The following CCL25 variants were observed in gnomAD, a reference collection of about 807,000 sequenced individuals.
CCL25 encodes C-C motif chemokine ligand 25.
Under a neutral mutation model 19.9 loss-of-function variants are expected in CCL25, and 14 were observed. That is an observed-to-expected ratio of 0.70 (90% CI 0.47 to 1.10). The LOEUF (loss-of-function observed/expected upper bound fraction) is 1.10, where lower values mean the gene tolerates loss of function less well. CCL25 is among the 50% of genes least tolerant of loss of function. The pLI, the probability that CCL25 is intolerant of heterozygous loss-of-function variation, is 0.00. For missense variants in CCL25, 151 were observed against 181.2 expected, an observed-to-expected ratio of 0.83 and a Z score of 0.96; for synonymous variants, 68 against 73.2, an observed-to-expected ratio of 0.93 and a Z score of 0.36.
Position 8,056,502 on chromosome 19 carries a change from G to A in CCL25, c.325+3G>A. 1 of 1,614,012 alleles carries A rather than the reference G, an allele frequency of 6.2e-7. No homozygotes were observed. Among genetic ancestry groups the A allele is most frequent in the Non-Finnish European group, 8.5e-7 (1 of 1,179,984 alleles). ...CCACAACACGCAGACCTTCCAAGGT[G>A]GGCAAGACCTCTGCTGGGCATCTAG... On this transcript the variant is annotated splice_donor_region_variant and intron_variant, in intron 4 of 5. Coordinates refer to ENST00000315626, the MANE Select transcript of CCL25 (RefSeq NM_005624.4).
chr19:8,058,667 A>T (rs556014618), intron 5 of CCL25, among the ~76,000 whole-genome samples: 124 of 131,020 alleles, frequency 9.5e-4, no homozygotes, highest in Admixed American at 1.9e-3. Flanking sequence ...ATTTATTATT[A>T]TTTTTTTTTG....
intron 2 of CCL25, among the ~76,000 whole-genome samples, chr19:8,053,632 T>G (rs1175664494): frequency 6.8e-6 from 1 of 147,040 alleles, no homozygotes; most frequent in African/African-American, 2.5e-5. Flanking sequence ...CACTGCAACC[T>G]CCGCCTCCTG....
chr19:8,053,236 C>A (rs1456457939), intron 2 of CCL25, 114 bp downstream of exon 2: 1 of 599,846 alleles, frequency 1.7e-6, no homozygotes. Context: ...CCACTGAATT[C>A]TCCCGCTCCT....
At chr19:8,054,924 G>T in intron 2 of CCL25, among the ~76,000 whole-genome samples, 1 of 151,384 alleles carries the variant, frequency 6.6e-6, no homozygotes, top group East Asian at 2.0e-4. Flanking sequence ...CGTGATCTCG[G>T]CTCACTGCAA....
chr19:8,054,466 G>C (rs1270864023), intron 2 of CCL25, among the ~76,000 whole-genome samples: 1 of 152,188 alleles, frequency 6.6e-6, no homozygotes. Flanking sequence ...CCCTTTCCCT[G>C]CTCCTGCTGG....
At position 8,057,757 on chromosome 19, in the gene CCL25, G is replaced by A. The variant is rs952998593; in HGVS notation, c.326-44G>A. On this transcript the variant is annotated intron_variant, in intron 4 of 5. Coordinates refer to ENST00000315626, the MANE Select transcript of CCL25 (RefSeq NM_005624.4). ...CTCAGCTGGATCCAGGAGCTCAAAG[G>A]ATGATGGCAGAGCTCTTGCTTATTT... 1.9e-6 allele frequency: 3 copies of A among 1,574,530 alleles called. No individual in the cohort carries two copies. The African/African-American group carries it at 4.1e-5, about 21-fold the overall frequency.
chr19:8,059,145 A>T (rs1263000908), intron 5 of CCL25, among the ~76,000 whole-genome samples: 13 of 14,184 alleles, frequency 9.2e-4, no homozygotes, highest in African/African-American at 2.7e-3. Context: ...ATATTATATA[A>T]TATATAATAT....
rs1280775265 is a variant in CCL25, at chr19:8,058,394, AATATATAATATATAAAT to A, written c.445+490_445+506del. On this transcript the variant is annotated intron_variant, in intron 5 of 5. Coordinates refer to ENST00000315626, the MANE Select transcript of CCL25 (RefSeq NM_005624.4). Reference sequence around the variant, plus strand: ...TATAAATATATATAATATATAAGTAAATATATAATATATAAATATATATAATATATAAGTAAATATAT... The same window carrying A: ...TATAAATATATATAATATATAAGTAAATATATAATATATAAGTAAATATAT... 9.3e-5 allele frequency among the ~76,000 whole-genome samples: 11 copies of A among 117,936 alleles called. No homozygotes were observed. In the East Asian group the frequency reaches 1.1e-3, roughly 11 times the overall value. The allele number at this position is 117,936 out of a possible 152,430, so 77.4% of individuals were successfully genotyped here.
intron 5 of CCL25, among the ~76,000 whole-genome samples, chr19:8,058,944 C>T (rs1159290300): frequency 2.9e-5 from 4 of 137,010 alleles, no homozygotes; most frequent in Non-Finnish European, 6.1e-5. Context: ...AGGCGTGAGC[C>T]ACCGCGCCCA....
chr19:8,059,601 C>T (rs1235724970), intron 5 of CCL25, among the ~76,000 whole-genome samples: 1 of 152,170 alleles, frequency 6.6e-6, no homozygotes, highest in Non-Finnish European at 1.5e-5. Context: ...CAAGTTGTCA[C>T]TTTATTTCTG....
rs2081296593 is a variant in CCL25, at chr19:8,059,051, A to AT, written c.445+1131_445+1132insT. 2.7e-5 allele frequency among the ~76,000 whole-genome samples: 3 copies of AT among 110,110 alleles called. No homozygotes were observed. The South Asian group carries it at 7.8e-4, about 29-fold the overall frequency. 72.2% of individuals were successfully genotyped at this position (110,110 alleles called of 152,430 possible). A position where few individuals can be genotyped will look rare whatever the true frequency, so the allele number is the denominator to read the frequency against. ...ATATGTAATATATAAACATATATGT[A>AT]ATATATAAATATATATAATATATAA... On this transcript the variant is annotated intron_variant, in intron 5 of 5. Coordinates refer to ENST00000315626, the MANE Select transcript of CCL25 (RefSeq NM_005624.4).
intron 2 of CCL25, among the ~76,000 whole-genome samples, chr19:8,054,677 A>G (rs1471637051): frequency 6.7e-6 from 1 of 148,914 alleles, no homozygotes. Flanking sequence ...TCCTCTGGGC[A>G]CCCCCCACAG....
intron 2 of CCL25, among the ~76,000 whole-genome samples, chr19:8,054,648 T>A (rs1336220047): frequency 6.6e-6 from 1 of 151,870 alleles, no homozygotes; most frequent in Non-Finnish European, 1.5e-5. Flanking sequence ...CCCCAGAACT[T>A]TCTGGCATCA....
intron 5 of CCL25, 151 bp downstream of exon 5, chr19:8,058,071 G>A (rs557344838): frequency 2.2e-6 from 3 of 1,343,032 alleles, no homozygotes; most frequent in South Asian, 1.5e-5. Flanking sequence ...ACAGGGGAGG[G>A]TCCTCGGTGG....
At chr19:8,055,625 C>T (rs915566255) in intron 2 of CCL25, among the ~76,000 whole-genome samples, 3 of 151,702 alleles carry the variant, frequency 2.0e-5, no homozygotes, top group East Asian at 2.0e-4. Flanking sequence ...TGAGCCACCG[C>T]GCCCGGCCTA....
chr19:8,059,104 T>TATATAA (rs1273278405), intron 5 of CCL25, among the ~76,000 whole-genome samples: 81 of 75,946 alleles, frequency 1.1e-3, no homozygotes, highest in Non-Finnish European at 2.0e-3. Context: ...ATGTATATAT[T>TATATAA]TATATATAAT....
intron 2 of CCL25, among the ~76,000 whole-genome samples, chr19:8,053,982 T>C (rs1599227343): frequency 6.6e-6 from 1 of 152,200 alleles, no homozygotes; most frequent in South Asian, 2.1e-4. Context: ...GCGGCGGCAA[T>C]AGTAACTGTT....
intron 5 of CCL25, 51 bp from the exon 6 acceptor site, chr19:8,062,167 A>G (rs769013965): frequency 2.5e-6 from 4 of 1,600,342 alleles, no homozygotes. Flanking sequence ...TATAGTTACT[A>G]TTATTTTACA....
In CCL25 at chr19:8,052,940, T is replaced by G. The variant is rs550131969; in HGVS notation, c.-50-60T>G. 2.3e-4 allele frequency: 149 copies of G among 641,608 alleles called. 1 individual carries two copies. In the African/African-American group the frequency reaches 2.4e-3, roughly 10 times the overall value. 39.7% of individuals were successfully genotyped at this position (641,608 alleles called of 1,614,324 possible). A position where few individuals can be genotyped will look rare whatever the true frequency, so the allele number is the denominator to read the frequency against. On this transcript the variant is annotated intron_variant, in intron 1 of 5. Transcript: ENST00000315626. ...TGCCTGGGGCTTAAGAGGGGGGATG[T>G]TCCCAGTACCCACTCCCCTCCTCTT... is the stretch of plus-strand genomic sequence containing the variant.
Sources: gnomAD v4.1 joint callset for allele counts (sites outside exome capture counted in the v4.1 genomes callset) on GRCh38, gnomAD v4.1.1 for gene constraint, MANE v1.5 for transcripts, NCBI Gene and HGNC (gene_info 2026-07-23, HGNC 2026-07-21) for gene names.